Variants in NCOA1 observed in about 807,000 individuals in gnomAD.
NCOA1 encodes the protein nuclear receptor coactivator 1.
NCOA1 carries 35 observed loss-of-function variants against 150.9 expected under a neutral mutation model. The observed-to-expected ratio is 0.23, with a 90% confidence interval of 0.18 to 0.31. The LOEUF is 0.31. Ranked by LOEUF, NCOA1 falls within the 10% of genes least tolerant of loss-of-function variation. The probability of loss-of-function intolerance (pLI) is 1.00; values close to 1 mark genes in which losing one functional copy is unlikely to be tolerated. For synonymous variants in NCOA1, 590 were observed against 630.0 expected (o/e 0.94, Z 0.95); for missense variants, 1,491 against 1,749.3 (o/e 0.85, Z 2.63).
At chr2:24,685,923 G>A (rs1672379246) in intron 8 of NCOA1, among the ~76,000 whole-genome samples, 1 of 152,140 alleles carries the variant, frequency 6.6e-6, no homozygotes, top group African/African-American at 2.4e-5. Flanking sequence ...TGTGCTCTTA[G>A]AAGCACATAG....
At chr2:24,742,585 T>TAGCTA (rs1663663502) in intron 19 of NCOA1, among the ~76,000 whole-genome samples, 1 of 151,714 alleles carries the variant, frequency 6.6e-6, no homozygotes, top group South Asian at 2.1e-4. Context: ...GCCTCCCGAG[T>TAGCTA]AGCTAGGATT....
chr2:24,665,140 A>T (rs1340787990), intron 5 of NCOA1, among the ~76,000 whole-genome samples: 6 of 150,816 alleles, frequency 4.0e-5, no homozygotes, highest in Non-Finnish European at 5.9e-5. Flanking sequence ...CTTACAAATC[A>T]TTTTTTTTTC....
intron 3 of NCOA1, among the ~76,000 whole-genome samples, chr2:24,600,100 C>G (rs941148876): frequency 4.6e-5 from 7 of 152,142 alleles, no homozygotes; most frequent in Non-Finnish European, 1.5e-5. Context: ...TTATAAAATC[C>G]TTTTATTGCA....
intron 3 of NCOA1, among the ~76,000 whole-genome samples, chr2:24,639,887 C>CA (rs1278174216): frequency 0.025 from 1,211 of 47,956 alleles, 54 homozygotes; most frequent in African/African-American, 0.03. Flanking sequence ...GACTCTGTCT[C>CA]AAAAAAAAAA....
At chr2:24,609,851 T>G (rs747046830) in intron 3 of NCOA1, among the ~76,000 whole-genome samples, 2 of 152,128 alleles carry the variant, frequency 1.3e-5, no homozygotes, top group Non-Finnish European at 2.9e-5. Context: ...TTTTACTACA[T>G]TTTATGATTT....
At chr2:24,606,073 C>T (rs927705334) in intron 3 of NCOA1, among the ~76,000 whole-genome samples, 14 of 151,932 alleles carry the variant, frequency 9.2e-5, no homozygotes, top group African/African-American at 3.4e-4. Flanking sequence ...AGGAGGTTCT[C>T]TTTAAGATTT....
At chr2:24,621,686 G>A (rs1669173967) in intron 3 of NCOA1, among the ~76,000 whole-genome samples, 1 of 151,834 alleles carries the variant, frequency 6.6e-6, no homozygotes, top group Non-Finnish European at 1.5e-5. Context: ...CACCATGTTG[G>A]CCAGGCTGGT....
At chr2:24,537,016 G>T (rs1464269916) in intron 1 of NCOA1, among the ~76,000 whole-genome samples, 2 of 151,986 alleles carry the variant, frequency 1.3e-5, no homozygotes, top group African/African-American at 4.8e-5. Flanking sequence ...ACTACATATT[G>T]GGTATAACGT....
Position 24,514,408 on chromosome 2 carries a change from A to G in NCOA1, c.-396+22806A>G, listed in dbSNP as rs974472994. Among the ~76,000 whole-genome samples the G allele has an allele frequency of 2.0e-5, 3 of 152,166 alleles. No homozygotes were observed. The South Asian group carries it at 6.2e-4, about 32-fold the overall frequency. ...TTCATTACCTATATATTACTCGATT[A>G]AGCTCTATGTGAGCAAGTAAAGTGA... is the stretch of plus-strand genomic sequence containing the variant. On this transcript the variant is annotated intron_variant, in intron 1 of 22. Coordinates refer to ENST00000348332, the MANE Select transcript of NCOA1 (RefSeq NM_003743.5).
At chr2:24,523,795 G>A (rs376139313) in intron 1 of NCOA1, among the ~76,000 whole-genome samples, 64 of 149,470 alleles carry the variant, frequency 4.3e-4, no homozygotes, top group Admixed American at 8.0e-4. Context: ...GCGTGGTGGC[G>A]CGTGCCTGTA....
rs756471750 is a variant in NCOA1 at position 24,706,994 on chromosome 2, T to G, written c.1524T>G (p.Phe508Leu). ...GGCCCAGGATGCCAAACAATTCCTT[T>G]CCTCCTAATATTTCGACATTAAGCT... ...ATRPRMPNNSFPPNISTLSSP... is the reference protein window; with the variant it reads ...ATRPRMPNNSLPPNISTLSSP... Residue 508 changes from phenylalanine (F) to leucine (L), a missense_variant, in exon 13 of 23, where the codon TTT (phenylalanine) becomes TTG (leucine). Physicochemically the swap from Phe to Leu is conservative, Grantham distance 22. Coordinates refer to ENST00000348332, the MANE Select transcript of NCOA1 (RefSeq NM_003743.5). The G allele has an allele frequency of 6.2e-7, 1 of 1,614,160 alleles. No individual in the cohort carries two copies.
intron 6 of NCOA1, among the ~76,000 whole-genome samples, chr2:24,666,698 T>TCTCTGCTCGCTGCAAC (rs894853423): frequency 6.6e-6 from 1 of 151,686 alleles, no homozygotes; most frequent in African/African-American, 2.4e-5. Context: ...AGTGGTGCGA[T>TCTCTGCTCGCTGCAAC]CTCTGCTCGC....
chr2:24,640,248 GA>G (rs201172281), intron 3 of NCOA1, among the ~76,000 whole-genome samples: 6,918 of 151,984 alleles, frequency 0.046, 248 homozygotes, highest in East Asian at 0.19. Context: ...GTTTCATGTT[GA>G]GTAATATTTT....
chr2:24,634,833 C>G (rs892049679), intron 3 of NCOA1, among the ~76,000 whole-genome samples: 4 of 151,738 alleles, frequency 2.6e-5, no homozygotes, highest in Non-Finnish European at 5.9e-5. Context: ...CGTTTCAGCC[C>G]CCCAACTGAG....
intron 10 of NCOA1, among the ~76,000 whole-genome samples, chr2:24,693,815 C>G (rs965817736): frequency 5.3e-5 from 8 of 151,248 alleles, no homozygotes; most frequent in Middle Eastern, 3.2e-3. Context: ...GGTGATTCCT[C>G]AAGATGTATA....
chr2:24,517,531 T>TGTGAGATTTCCTTTCACAGAAACTA (rs1363408552), intron 1 of NCOA1, among the ~76,000 whole-genome samples: 9 of 152,294 alleles, frequency 5.9e-5, no homozygotes, highest in African/African-American at 2.2e-4. Flanking sequence ...TTGTTGCCAC[T>TGTGAGATTTCCTTTCACAGAAACTA]GTGAGATTTC....
chr2:24,695,983 C>G (rs1217586935), intron 10 of NCOA1, among the ~76,000 whole-genome samples: 1 of 152,150 alleles, frequency 6.6e-6, no homozygotes, highest in Non-Finnish European at 1.5e-5. Flanking sequence ...AGTGGAATCC[C>G]TGCTATAACC....
Position 24,697,734 on chromosome 2 carries a change from C to G in NCOA1, c.885C>G (p.Cys295Trp). ...RTGWEDLVRK[C>W]IYAFFQPQGR... ...GTTGGGAAGATTTAGTGAGGAAGTG[C>G]ATTTATGCTTTTTTCCAACCTCAGG... Residue 295 changes from cysteine to tryptophan, a missense_variant, in exon 11 of 23, where the codon TGC becomes TGG. By Grantham distance (215) the Cys-to-Trp change is radical (BLOSUM62 -2). Transcript: ENST00000348332. The G allele has an allele frequency of 6.2e-7, 1 of 1,613,624 alleles. No individual in the cohort carries two copies. The highest frequency in any genetic ancestry group is 8.5e-7 in the Non-Finnish European group (1 of 1,179,644).
chr2:24,753,415 C>G (rs527302316), intron 20 of NCOA1, among the ~76,000 whole-genome samples: 1 of 152,008 alleles, frequency 6.6e-6, no homozygotes, highest in South Asian at 2.1e-4. Context: ...ACCTATTTCT[C>G]TGCTCCCCTT....
Sources: gnomAD v4.1 joint callset for allele counts (sites outside exome capture counted in the v4.1 genomes callset) on GRCh38, gnomAD v4.1.1 for gene constraint, MANE v1.5 for transcripts, NCBI Gene and HGNC (gene_info 2026-07-23, HGNC 2026-07-21) for gene names.